AOPEP: variants seen among roughly 807,000 people sequenced by gnomAD.
AOPEP encodes the protein aminopeptidase O.
In AOPEP, 77 loss-of-function variants were observed where a neutral mutation model predicts 98.1. The observed-to-expected ratio is 0.78, with a 90% CI of 0.65 to 0.95. AOPEP has a LOEUF of 0.95. Ranked by LOEUF, AOPEP falls within the 40% of genes least tolerant of loss-of-function variation. The pLI is 0.00. For missense variants in AOPEP, 1,024 were observed against 1,024.7 expected (o/e 1.00, Z 0.01); for synonymous variants, 346 against 365.3 (o/e 0.95, Z 0.60).
At chr9:95,003,163 T>C (rs1427723297) in intron 11 of AOPEP, among the ~76,000 whole-genome samples, 3 of 150,480 alleles carry the variant, frequency 2.0e-5, no homozygotes, top group African/African-American at 7.4e-5. Context: ...TGTGTGTGTG[T>C]GTGCGCGCGC....
chr9:94,869,387 G>GCCCTATTT (rs2046071382), intron 5 of AOPEP, among the ~76,000 whole-genome samples: 1 of 152,168 alleles, frequency 6.6e-6, no homozygotes, highest in African/African-American at 2.4e-5. Flanking sequence ...GTTAGTGAAT[G>GCCCTATTT]CCCTATTTCT....
chr9:95,086,090 C>G (rs1215210603), intron 16 of AOPEP: 1 of 1,367,362 alleles, frequency 7.3e-7, no homozygotes, highest in African/African-American at 1.5e-5. Flanking sequence ...GAACAGGAGT[C>G]GAGCCCTTGA....
chr9:94,971,363 C>T (rs55814604), intron 10 of AOPEP, among the ~76,000 whole-genome samples: 18,959 of 152,044 alleles, frequency 0.12, 3,016 homozygotes, highest in African/African-American at 0.37. Context: ...TACAATGAAT[C>T]GATTTCAGCA....
chr9:94,983,015 G>C (rs1230649834), intron 11 of AOPEP, among the ~76,000 whole-genome samples: 2 of 151,442 alleles, frequency 1.3e-5, no homozygotes, highest in African/African-American at 2.4e-5. Flanking sequence ...CTTTTGTTTT[G>C]TTTTGTTTTG....
chr9:94,819,103 T>G (rs1852376973), intron 5 of AOPEP, among the ~76,000 whole-genome samples: 1 of 152,264 alleles, frequency 6.6e-6, no homozygotes, highest in Admixed American at 6.5e-5. Flanking sequence ...CCTATTTGCC[T>G]GGCTTCCAGC....
intron 7 of AOPEP, chr9:94,933,143 C>T (rs2055648681): frequency 2.0e-6 from 2 of 985,680 alleles, no homozygotes; most frequent in Non-Finnish European, 2.4e-6. Context: ...GTTCAGCTCT[C>T]TCCTGTCATC....
At chr9:95,072,925 A>G (rs2068655048) in intron 14 of AOPEP, among the ~76,000 whole-genome samples, 1 of 152,202 alleles carries the variant, frequency 6.6e-6, no homozygotes, top group East Asian at 1.9e-4. Flanking sequence ...TCCAGAGTTC[A>G]GCTCCATGGA....
At chr9:94,932,938 C>G in intron 7 of AOPEP, 1 of 985,446 alleles carries the variant, frequency 1.0e-6, no homozygotes, top group Non-Finnish European at 1.2e-6. Flanking sequence ...CTACAGGCTT[C>G]TGAGGCAAGA....
At chr9:94,921,749 G>A (rs539396215) in intron 5 of AOPEP, among the ~76,000 whole-genome samples, 44 of 152,268 alleles carry the variant, frequency 2.9e-4, no homozygotes, top group African/African-American at 7.9e-4. Context: ...AACGGGCCCC[G>A]GAGGCTTTCG....
chr9:95,037,143 C>A (rs779361366), intron 13 of AOPEP, among the ~76,000 whole-genome samples: 1 of 152,044 alleles, frequency 6.6e-6, no homozygotes, highest in Admixed American at 6.5e-5. Flanking sequence ...GACCTCACAG[C>A]AGTATTATTG....
chr9:95,020,498 C>T (rs937254358), intron 13 of AOPEP, among the ~76,000 whole-genome samples: 1 of 151,798 alleles, frequency 6.6e-6, no homozygotes, highest in South Asian at 2.1e-4. Context: ...GTTCACTGCA[C>T]GGGTTGATGT....
chr9:94,810,469 C>A (rs1036213039), intron 5 of AOPEP, among the ~76,000 whole-genome samples: 5 of 151,880 alleles, frequency 3.3e-5, no homozygotes, highest in Non-Finnish European at 5.9e-5. Context: ...TGCGCGCCAC[C>A]ACACCTGGCT....
chr9:95,096,496 C>T, the AOPEP span, among the ~76,000 whole-genome samples: 1 of 152,306 alleles, frequency 6.6e-6, no homozygotes, highest in East Asian at 1.9e-4. Context: ...AGGGTCTTCA[C>T]ACCGCCAGTG....
At chr9:94,931,478 A>T (rs930159095) in intron 7 of AOPEP, among the ~76,000 whole-genome samples, 20 of 152,202 alleles carry the variant, frequency 1.3e-4, no homozygotes, top group African/African-American at 4.8e-4. Flanking sequence ...GGTTTCGTTT[A>T]CTCCCATCCC....
the AOPEP span, chr9:95,149,893 G>A: frequency 2.2e-3 from 3,395 of 1,572,458 alleles, 71 homozygotes; most frequent in African/African-American, 0.041. Flanking sequence ...GAAAAACGAC[G>A]CAGGATGACA....
the AOPEP span, chr9:95,126,641 C>G: frequency 6.4e-7 from 1 of 1,553,136 alleles, no homozygotes; most frequent in South Asian, 1.1e-5. Context: ...CAGAAACTTG[C>G]TATTATCAGC....
At chr9:94,921,923 G>C (rs562266883) in intron 5 of AOPEP, among the ~76,000 whole-genome samples, 1 of 152,300 alleles carries the variant, frequency 6.6e-6, no homozygotes, top group Admixed American at 6.5e-5. Flanking sequence ...CCCCGACTCA[G>C]AAGAAAGGAT....
chr9:94,728,854 A>G (rs116067802), intron 1 of AOPEP, among the ~76,000 whole-genome samples: 1,664 of 152,300 alleles, frequency 0.011, 34 homozygotes, highest in African/African-American at 0.038. Context: ...GATGAGGAAG[A>G]AATGTGTGGA....
intron 7 of AOPEP, chr9:94,928,877 G>A (rs2054817003): frequency 4.9e-6 from 1 of 204,310 alleles, no homozygotes; most frequent in Non-Finnish European, 9.8e-6. Context: ...TAAAGCCAAA[G>A]GGGAAAAAAA....
Sources: allele counts gnomAD v4.1 joint callset (sites outside exome capture counted in the v4.1 genomes callset), GRCh38; gene constraint gnomAD v4.1.1; transcripts MANE v1.5; gene names NCBI Gene and HGNC (gene_info 2026-07-23, HGNC 2026-07-21).